Variants in MALRD1 observed in about 807,000 individuals in gnomAD.
MALRD1 encodes the protein MAM and LDL receptor class A domain containing 1.
Under a neutral mutation model 242.1 loss-of-function variants are expected in MALRD1, and 247 were observed. That is an observed-to-expected ratio of 1.02 (90% confidence interval 0.92 to 1.13). The LOEUF is 1.13. Among genes scored for constraint, MALRD1 ranks in the 50% most tolerant of loss-of-function variants. The pLI is 0.00. For missense variants in MALRD1, 2,989 were observed against 2,533.1 expected (o/e 1.18, Z -3.86); for synonymous variants, 995 against 866.6 (o/e 1.15, Z -2.60).
chr10:19,217,874 A>G (rs1837391947), intron 18 of MALRD1, among the ~76,000 whole-genome samples: 1 of 152,134 alleles, frequency 6.6e-6, no homozygotes, highest in Non-Finnish European at 1.5e-5. Context: ...AGATCACTGA[A>G]TGCAGGGACT....
intron 12 of MALRD1, among the ~76,000 whole-genome samples, chr10:19,158,977 A>G (rs1252044043): frequency 6.6e-6 from 1 of 152,234 alleles, no homozygotes; most frequent in Admixed American, 6.5e-5. Flanking sequence ...TGTTTAATCC[A>G]AAGATCAATG....
At chr10:19,711,218 A>G (rs973825563) in intron 38 of MALRD1, 1 of 149,324 alleles carries the variant, frequency 6.7e-6, no homozygotes. Context: ...CACTTCCACT[A>G]TCTGTTTATT....
intron 5 of MALRD1, among the ~76,000 whole-genome samples, chr10:19,115,967 CA>C (rs1171988618): frequency 1.3e-5 from 2 of 152,150 alleles, no homozygotes; most frequent in African/African-American, 4.8e-5. Flanking sequence ...GAACACTTTG[CA>C]AGTTGGACAA....
At chr10:19,323,597 C>T (rs1347252144) in intron 21 of MALRD1, among the ~76,000 whole-genome samples, 2 of 152,080 alleles carry the variant, frequency 1.3e-5, no homozygotes, top group East Asian at 3.9e-4. Flanking sequence ...ACAAACTGTA[C>T]TATGTTTCAC....
At chr10:19,469,928 C>T (rs1287766357) in intron 29 of MALRD1, among the ~76,000 whole-genome samples, 1 of 152,032 alleles carries the variant, frequency 6.6e-6, no homozygotes, top group African/African-American at 2.4e-5. Context: ...AGTTTCCTCC[C>T]ATCCCCTTTA....
chr10:19,664,865 T>G (rs560255355), intron 36 of MALRD1, among the ~76,000 whole-genome samples: 101 of 152,208 alleles, frequency 6.6e-4, no homozygotes, highest in African/African-American at 2.2e-3. Context: ...TCATGACCAT[T>G]TTTTTGCATT....
intron 14 of MALRD1, 135 bp downstream of exon 14, chr10:19,175,463 AATATAT>A (rs376874358): frequency 3.9e-5 from 8 of 202,782 alleles, no homozygotes; most frequent in South Asian, 1.8e-4. Flanking sequence ...TGAAACCTAA[AATATAT>A]ATATATATAT....
At position 19,387,790 on chromosome 10, in the gene MALRD1, T is replaced by C; in HGVS notation, c.4687+17T>C. On this transcript the variant is annotated intron_variant, in intron 27 of 39. Coordinates refer to ENST00000454679, the MANE Select transcript of MALRD1 (RefSeq NM_001142308.3). ...ATGAAAATGGTAGGTTATTAGATTG[T>C]TGTAATTGCTTTCACATGATTTTCA... 1.3e-6 allele frequency: 2 copies of C among 1,539,882 alleles called. No individual in the cohort carries two copies. The highest frequency in any genetic ancestry group is 1.8e-6 in the Non-Finnish European group (2 of 1,141,724).
chr10:19,068,398 A>C (rs1467929037), intron 2 of MALRD1, among the ~76,000 whole-genome samples: 1 of 152,012 alleles, frequency 6.6e-6, no homozygotes, highest in Non-Finnish European at 1.5e-5. Context: ...ATAGGCAGAT[A>C]CCATAGAACG....
intron 5 of MALRD1, among the ~76,000 whole-genome samples, chr10:19,110,758 A>T (rs1223340808): frequency 6.6e-6 from 1 of 152,130 alleles, no homozygotes; most frequent in East Asian, 1.9e-4. Flanking sequence ...TCCCTTCAGC[A>T]ATGTCTTTAT....
intron 31 of MALRD1, among the ~76,000 whole-genome samples, chr10:19,522,287 A>T (rs1466158214): frequency 6.6e-6 from 1 of 152,086 alleles, no homozygotes; most frequent in Non-Finnish European, 1.5e-5. Context: ...TCATTGTACC[A>T]TTGTTTTGGT....
At chr10:19,319,779 A>G (rs1451644749) in intron 21 of MALRD1, among the ~76,000 whole-genome samples, 1 of 151,906 alleles carries the variant, frequency 6.6e-6, no homozygotes, top group East Asian at 1.9e-4. Context: ...TCGACTCCCC[A>G]AAGGCCCTGC....
intron 14 of MALRD1, among the ~76,000 whole-genome samples, chr10:19,196,536 GTT>G (rs34242301): frequency 0.28 from 39,436 of 139,388 alleles, 5,973 homozygotes; most frequent in Admixed American, 0.37. Flanking sequence ...ACCACTCTTT[GTT>G]TTTTTTTTTT....
At chr10:19,213,819 A>C (rs1837180097) in intron 18 of MALRD1, among the ~76,000 whole-genome samples, 1 of 152,110 alleles carries the variant, frequency 6.6e-6, no homozygotes, top group Non-Finnish European at 1.5e-5. Context: ...ATTTAAGTTT[A>C]GTTGGAAAGA....
At chr10:19,543,165 G>T (rs562628367) in intron 32 of MALRD1, among the ~76,000 whole-genome samples, 1 of 152,292 alleles carries the variant, frequency 6.6e-6, no homozygotes, top group South Asian at 2.1e-4. Context: ...GCTCACTGCA[G>T]CCTTGCCTTC....
chr10:19,048,809 A>G lies in MALRD1; in HGVS notation c.-130A>G. On this transcript the variant is annotated 5_prime_UTR_variant, in exon 1 of 40. Coordinates refer to ENST00000454679, the MANE Select transcript of MALRD1 (RefSeq NM_001142308.3). ...CTGGGGAGTAATTTGTTAGAGTTGC[A>G]GATAGTTACCAATAGTATCCAGTTA... 3.3e-6 allele frequency: 2 copies of G among 606,970 alleles called. No individual in the cohort carries two copies. The allele number at this position is 606,970 out of a possible 1,614,324, so 37.6% of individuals were successfully genotyped here. A position where few individuals can be genotyped will look rare whatever the true frequency, so the allele number is the denominator to read the frequency against.
chr10:19,727,477 G>A (rs1272140569), intron 38 of MALRD1, among the ~76,000 whole-genome samples: 1 of 152,112 alleles, frequency 6.6e-6, no homozygotes. Flanking sequence ...TAGGTCTCTT[G>A]TCACACATTC....
At chr10:19,194,588 A>G (rs1223379356) in intron 14 of MALRD1, among the ~76,000 whole-genome samples, 1 of 151,986 alleles carries the variant, frequency 6.6e-6, no homozygotes, top group Non-Finnish European at 1.5e-5. Flanking sequence ...TCCTTTCTTT[A>G]CTATTCAATG....
At chr10:19,159,786 C>A (rs185785330) in intron 12 of MALRD1, among the ~76,000 whole-genome samples, 81 of 152,260 alleles carry the variant, frequency 5.3e-4, no homozygotes, top group South Asian at 4.8e-3. Flanking sequence ...GGAACTAAGA[C>A]TGTCACCCCC....
Sources: allele counts gnomAD v4.1 joint callset (sites outside exome capture counted in the v4.1 genomes callset), GRCh38; gene constraint gnomAD v4.1.1; transcripts MANE v1.5; gene names NCBI Gene and HGNC (gene_info 2026-07-23, HGNC 2026-07-21).